Variants in FSTL5 observed in about 807,000 individuals in gnomAD.
The protein encoded by FSTL5 is follistatin-related protein 5.
A neutral mutation model predicts 89.1 loss-of-function variants in FSTL5; 62 were observed. That is an observed-to-expected ratio of 0.70 (90% CI 0.57 to 0.86). The LOEUF is 0.86. Ranked by LOEUF, FSTL5 falls within the 40% of genes least tolerant of loss-of-function variation. The pLI is 0.00. For synonymous variants in FSTL5, 383 were observed against 346.2 expected (o/e 1.11, Z -1.18); for missense variants, 1,057 against 1,001.6 (o/e 1.06, Z -0.75).
chr4:162,082,415 A>G (rs1730136114), intron 2 of FSTL5, among the ~76,000 whole-genome samples: 1 of 151,716 alleles, frequency 6.6e-6, no homozygotes, highest in Admixed American at 6.6e-5. Flanking sequence ...AATTTAACAA[A>G]AGAGTTTTGG....
Position 161,965,487 on chromosome 4 carries a change from T to C in FSTL5, c.161-44835A>G, listed in dbSNP as rs1735296407. 2.0e-5 allele frequency among the ~76,000 whole-genome samples: 3 copies of C among 152,118 alleles called. No homozygotes were observed. In the South Asian group the frequency reaches 6.2e-4, roughly 31 times the overall value. ...ATGTAATCATTTATTCATTTAAGTA[T>C]TTAGTGTTAGTAAACTATGTGGTGG... On this transcript the variant is annotated intron_variant, in intron 3 of 15. Transcript: ENST00000306100.
rs1397070357 is a variant in FSTL5, at chr4:161,872,140, GGTTTTTTT to G, written c.409+48256_409+48263del. ...GGCTTTGTAGTTTGTTTTTTTTTTT[GGTTTTTTT>G]TTTTTTTTTTGTAGAGACAAGGATT... On this transcript the variant is annotated intron_variant, in intron 4 of 15. Coordinates refer to ENST00000306100, the MANE Select transcript of FSTL5 (RefSeq NM_020116.5). Among the ~76,000 whole-genome samples the G allele has an allele frequency of 5.5e-4, 37 of 67,508 alleles. 1 individual carries two copies. The highest frequency in any genetic ancestry group is 1.4e-3 in the South Asian group (3 of 2,160). 44.3% of individuals were successfully genotyped at this position (67,508 alleles called of 152,430 possible). A position where few individuals can be genotyped will look rare whatever the true frequency, so the allele number is the denominator to read the frequency against.
chr4:161,956,763 C>T (rs1735038115), intron 3 of FSTL5, among the ~76,000 whole-genome samples: 1 of 151,844 alleles, frequency 6.6e-6, no homozygotes, highest in African/African-American at 2.4e-5. Context: ...ATAATGCAAA[C>T]TGATGTTTGA....
intron 1 of FSTL5, among the ~76,000 whole-genome samples, chr4:162,111,646 A>G (rs1010505924): frequency 2.6e-5 from 4 of 152,144 alleles, no homozygotes; most frequent in African/African-American, 9.7e-5. Context: ...GAAGAAATAT[A>G]GGGACTGATA....
intron 8 of FSTL5, among the ~76,000 whole-genome samples, chr4:161,573,878 C>T (rs1733120285): frequency 1.3e-5 from 2 of 151,970 alleles, no homozygotes; most frequent in South Asian, 4.1e-4. Flanking sequence ...CAAACTTATT[C>T]TCTTATATTC....
chr4:161,924,391 G>A (rs1379887666), intron 3 of FSTL5, among the ~76,000 whole-genome samples: 1 of 150,456 alleles, frequency 6.6e-6, no homozygotes, highest in Non-Finnish European at 1.5e-5. Context: ...TTGTCTATAT[G>A]TATATCTAAT....
intron 15 of FSTL5, among the ~76,000 whole-genome samples, chr4:161,430,524 A>C (rs1252261378): frequency 6.6e-6 from 1 of 152,274 alleles, no homozygotes; most frequent in South Asian, 2.1e-4. Context: ...GTGGATCACG[A>C]GGTCAGGAGA....
At position 161,713,993 on chromosome 4, in the gene FSTL5, CT is replaced by C. The variant is rs553153351; in HGVS notation, c.727+45417del. 2.0e-3 allele frequency among the ~76,000 whole-genome samples: 308 copies of C among 152,278 alleles called. 3 individuals are homozygous for C. Among genetic ancestry groups the C allele is most frequent in the African/African-American group, 7.1e-3 (297 of 41,572 alleles). ...TAACTGTGTGAAACCTGTGCTTCCA[CT>C]TTTTAAAACCTATTATATTTGTAGA... is the stretch of plus-strand genomic sequence containing the variant. On this transcript the variant is annotated intron_variant, in intron 6 of 15. Coordinates refer to ENST00000306100, the MANE Select transcript of FSTL5 (RefSeq NM_020116.5).
intron 3 of FSTL5, among the ~76,000 whole-genome samples, chr4:161,974,106 A>C (rs985642393): frequency 2.6e-5 from 4 of 152,224 alleles, no homozygotes; most frequent in South Asian, 2.1e-4. Context: ...AGGAAATACA[A>C]GAGGATACAA....
At chr4:161,729,068 C>T (rs774421043) in intron 6 of FSTL5, among the ~76,000 whole-genome samples, 2 of 152,044 alleles carry the variant, frequency 1.3e-5, no homozygotes, top group African/African-American at 2.4e-5. Context: ...TTCCTGAGGC[C>T]AGCTGAGCCT....
At chr4:162,066,408 A>G (rs1162569541) in intron 2 of FSTL5, among the ~76,000 whole-genome samples, 5 of 70,906 alleles carry the variant, frequency 7.1e-5, no homozygotes, top group Non-Finnish European at 1.2e-4. Flanking sequence ...TTTTTTTTTC[A>G]GTTTTTCACC....
intron 6 of FSTL5, among the ~76,000 whole-genome samples, chr4:161,733,539 T>C (rs1001970613): frequency 1.3e-5 from 2 of 152,044 alleles, no homozygotes; most frequent in African/African-American, 4.8e-5. Context: ...CTTTTTGTAG[T>C]GTTGAATACA....
chr4:161,425,212 A>G (rs1485589469), intron 15 of FSTL5, among the ~76,000 whole-genome samples: 1 of 152,230 alleles, frequency 6.6e-6, no homozygotes, highest in African/African-American at 2.4e-5. Flanking sequence ...AAAAGATTAT[A>G]TGCTGTTAAA....
intron 1 of FSTL5, among the ~76,000 whole-genome samples, chr4:162,117,624 T>G (rs1731692640): frequency 6.6e-6 from 1 of 152,088 alleles, no homozygotes; most frequent in African/African-American, 2.4e-5. Context: ...AATACTGAAA[T>G]GGTAAATTTG....
chr4:161,458,104 C>T (rs576165822), intron 14 of FSTL5, among the ~76,000 whole-genome samples: 50 of 152,150 alleles, frequency 3.3e-4, no homozygotes, highest in Non-Finnish European at 5.6e-4. Flanking sequence ...CATCACCATG[C>T]GACAGACATG....
At chr4:161,957,069 G>A (rs1735045164) in intron 3 of FSTL5, among the ~76,000 whole-genome samples, 1 of 151,850 alleles carries the variant, frequency 6.6e-6, no homozygotes, top group Admixed American at 6.6e-5. Context: ...ATATGCAGAT[G>A]CTAACAAAAA....
chr4:161,877,044 C>T (rs1490634503), intron 4 of FSTL5, among the ~76,000 whole-genome samples: 1 of 151,586 alleles, frequency 6.6e-6, no homozygotes, highest in Non-Finnish European at 1.5e-5. Context: ...ATTAGCCAGA[C>T]GTGGTGGCGC....
chr4:161,453,799 G>T (rs1733255193), intron 15 of FSTL5, among the ~76,000 whole-genome samples: 2 of 151,934 alleles, frequency 1.3e-5, no homozygotes, highest in Admixed American at 1.3e-4. Context: ...TTGCCATGTT[G>T]CCCAGGCTGG....
intron 15 of FSTL5, among the ~76,000 whole-genome samples, chr4:161,404,879 C>G (rs193252534): frequency 4.3e-4 from 65 of 151,824 alleles, no homozygotes; most frequent in African/African-American, 1.5e-3. Flanking sequence ...TTAACAAAAA[C>G]TTTCCGAGGA....
Sources: allele counts gnomAD v4.1 joint callset (sites outside exome capture counted in the v4.1 genomes callset), GRCh38; gene constraint gnomAD v4.1.1; transcripts MANE v1.5; gene names NCBI Gene and HGNC (gene_info 2026-07-23, HGNC 2026-07-21).